The following HERC2 variants were observed in gnomAD, a reference collection of about 807,000 sequenced individuals.
HERC2 encodes the protein HECT and RLD domain containing E3 ubiquitin protein ligase 2, also known as E3 ubiquitin-protein ligase HERC2.
A neutral mutation model predicts 537.7 loss-of-function variants in HERC2; 102 were observed. That is an observed-to-expected ratio of 0.19 (90% CI 0.16 to 0.22). The LOEUF (loss-of-function observed/expected upper bound fraction) is 0.22. HERC2 is among the 10% of genes least tolerant of loss of function. The pLI is 1.00. For missense variants in HERC2, 4,236 were observed against 6,198.2 expected (o/e 0.68, Z 10.63); for synonymous variants, 2,224 against 2,466.2 (o/e 0.90, Z 2.91).
chr15:28,265,030 G>A lies in HERC2; in HGVS notation c.1870+588C>T, dbSNP rs1204880696. ...TCAACTTCTGCAGGAGAGAAAGCAA[G>A]CTGACAGGTACCCCTGCTGATTATA... On this transcript the variant is annotated intron_variant, in intron 14 of 92. Transcript: ENST00000261609. This position sits in a 1 kb window ranked among gnomAD's most constrained non-coding sequence, Gnocchi z 4.0. Among the ~76,000 whole-genome samples, 1 of 152,172 alleles carries A rather than the reference G, an allele frequency of 6.6e-6. No individual in the cohort carries two copies. Among genetic ancestry groups the A allele is most frequent in the Admixed American group, 6.5e-5 (1 of 15,278 alleles).
chr15:28,256,342 C>T, intron 17 of HERC2, 25 bp from the exon 18 acceptor site: 1 of 1,469,148 alleles, frequency 6.8e-7, no homozygotes, highest in Non-Finnish European at 9.2e-7. Context: ...ACAATTTTCA[C>T]TTAGAACCCC....
At chr15:28,149,729 T>C (rs1258560843) in intron 70 of HERC2, among the ~76,000 whole-genome samples, 1 of 151,068 alleles carries the variant, frequency 6.6e-6, no homozygotes, top group Non-Finnish European at 1.5e-5. Flanking sequence ...TCTAGTAAAA[T>C]TACCGAAAAA....
At position 28,256,333 on chromosome 15, in the gene HERC2, C is replaced by T. The variant is rs554457672; in HGVS notation, c.2518-16G>A. 5.8e-6 allele frequency: 9 copies of T among 1,549,982 alleles called. No individual in the cohort carries two copies. The African/African-American group carries it at 8.1e-5, about 14-fold the overall frequency. ...CAGCATGCAACTGAAAGGAGAAAAA[C>T]AATTTTCACTTAGAACCCCTAAAAA... On this transcript the variant is annotated splice_polypyrimidine_tract_variant and intron_variant, in intron 17 of 92. Transcript: ENST00000261609.
intron 50 of HERC2, among the ~76,000 whole-genome samples, chr15:28,197,041 T>G (rs1275313281): frequency 6.6e-6 from 1 of 152,244 alleles, no homozygotes; most frequent in Non-Finnish European, 1.5e-5. Flanking sequence ...TTTTTAAAAT[T>G]TGTCTTGTTT....
chr15:28,231,121 C>T (rs1901796555), intron 30 of HERC2, among the ~76,000 whole-genome samples: 1 of 152,110 alleles, frequency 6.6e-6, no homozygotes, highest in Non-Finnish European at 1.5e-5. Flanking sequence ...GTGGAATTTC[C>T]TCCCTATACT....
chr15:28,124,885 C>T, intron 84 of HERC2, 121 bp downstream of exon 84: 1 of 1,058,520 alleles, frequency 9.4e-7, no homozygotes, highest in Non-Finnish European at 1.4e-6. Context: ...GTGTGGTTAA[C>T]ATTTACTGAG....
intron 14 of HERC2, among the ~76,000 whole-genome samples, chr15:28,264,473 C>CTAT (rs1054428271): frequency 2.6e-5 from 4 of 152,190 alleles, no homozygotes; most frequent in African/African-American, 9.7e-5. Flanking sequence ...GCCCACCTGG[C>CTAT]TATTTCCCAC....
intron 35 of HERC2, among the ~76,000 whole-genome samples, chr15:28,226,810 A>G (rs1190247053): frequency 1.3e-5 from 2 of 152,254 alleles, no homozygotes; most frequent in Non-Finnish European, 2.9e-5. Flanking sequence ...AGAACAGGAG[A>G]AAATACCCTC....
At chr15:28,249,690 A>G (rs746255078) in intron 20 of HERC2, among the ~76,000 whole-genome samples, 4 of 152,166 alleles carry the variant, frequency 2.6e-5, no homozygotes, top group Non-Finnish European at 4.4e-5. Flanking sequence ...CTTTGTTGCC[A>G]GGCTGGAGTG....
rs758658451 is a variant in HERC2 at position 28,255,964 on chromosome 15, G to A, written c.2779C>T (p.Arg927Cys). 13 of 1,606,082 alleles carry A rather than the reference G, an allele frequency of 8.1e-6. No individual in the cohort carries two copies. Among genetic ancestry groups the A allele is most frequent in the Admixed American group, 3.3e-5 (2 of 59,986 alleles). ...SGNEVNISPG[R>C]RFMIDLLVGS... ...ACCAGAAGATCAATCATGAATCGAC[G>A]ACCTGGACTTATGTTCACTTCATTG... The change falls in exon 19 of 93, where the codon CGT becomes TGT. Residue 927 changes from arginine (R) to cysteine (C), a missense_variant. Coordinates refer to ENST00000261609, the MANE Select transcript of HERC2 (RefSeq NM_004667.6).
chr15:28,115,280 T>C (rs1440769369), intron 89 of HERC2, 149 bp downstream of exon 89: 1 of 492,656 alleles, frequency 2.0e-6, no homozygotes, highest in African/African-American at 2.0e-5. Context: ...TTTTTTTTTT[T>C]GCTACTCAAA....
chr15:28,289,537 C>T (rs1021544124), intron 4 of HERC2, among the ~76,000 whole-genome samples: 4 of 152,136 alleles, frequency 2.6e-5, no homozygotes, highest in East Asian at 1.9e-4. Flanking sequence ...CTCCCCAGCA[C>T]GATGGAGATA....
In HERC2 at chr15:28,283,032, CAAAAAAAAAA is replaced by C. The variant is rs35092122; in HGVS notation, c.323-2755_323-2746del. On this transcript the variant is annotated intron_variant, in intron 4 of 92. Coordinates refer to ENST00000261609, the MANE Select transcript of HERC2 (RefSeq NM_004667.6). ...GGGAAGAGAGAAAGAAATGTCCCAGCAAAAAAAAAAAAAAAAAAAAAAAAAAACCAGTCTT... is the reference window on the plus strand; with the variant it reads ...GGGAAGAGAGAAAGAAATGTCCCAGCAAAAAAAAAAAAAAAAACCAGTCTT... Among the ~76,000 whole-genome samples the C allele has an allele frequency of 4.4e-4, 21 of 47,432 alleles. 1 individual carries two copies. The highest frequency in any genetic ancestry group is 1.1e-3 in the Admixed American group (3 of 2,812). 31.1% of individuals were successfully genotyped at this position (47,432 alleles called of 152,430 possible).
chr15:28,132,696 C>T lies in HERC2; in HGVS notation c.12365G>A (p.Arg4122Gln), dbSNP rs750439830. The T allele has an allele frequency of 1.9e-6, 3 of 1,588,056 alleles. No individual in the cohort carries two copies. The highest frequency in any genetic ancestry group is 2.6e-6 in the Non-Finnish European group (3 of 1,167,328). ...GTCCTCACTGTCGCTGTGCCCCAGC[C>T]GGCCGTAGCGGCCTTTGCCCCATGT... ...LYTWGKGRYGRLGHSDSEDQL... is the reference protein window; with the variant it reads ...LYTWGKGRYGQLGHSDSEDQL... Residue 4122 changes from arginine to glutamine, a missense_variant, in exon 80 of 93, where the codon CGG (arginine) becomes CAG (glutamine). Arg to Gln is a conservative substitution (Grantham distance 43). Around this residue, in one of 27 missense-constraint regions of HERC2, gnomAD observed 94 missense variants for 137.4 expected, o/e 0.68. Transcript: ENST00000261609.
chr15:28,296,546 C>G (rs1214023160), intron 3 of HERC2, among the ~76,000 whole-genome samples: 1 of 151,988 alleles, frequency 6.6e-6, no homozygotes, highest in Non-Finnish European at 1.5e-5. Flanking sequence ...TTGCCATGTA[C>G]TTAGCTTTTC....
At chr15:28,123,864 T>C (rs1889189112) in intron 85 of HERC2, among the ~76,000 whole-genome samples, 173 bp downstream of exon 85, 1 of 152,236 alleles carries the variant, frequency 6.6e-6, no homozygotes, top group African/African-American at 2.4e-5. Context: ...TTTTGTCTGT[T>C]TTCTCATTGA....
intron 59 of HERC2, among the ~76,000 whole-genome samples, chr15:28,178,204 C>T (rs1895480040): frequency 6.6e-6 from 1 of 152,158 alleles, no homozygotes. Flanking sequence ...ATGAGTGGGG[C>T]TTCCGAGGGG....
chr15:28,282,428 AAC>A (rs1453286106), intron 4 of HERC2, among the ~76,000 whole-genome samples: 3 of 152,192 alleles, frequency 2.0e-5, no homozygotes, highest in African/African-American at 7.2e-5. Flanking sequence ...AGCAATTACA[AAC>A]ACATGTGAAA....
In HERC2 at chr15:28,265,791, C is replaced by T; in HGVS notation, c.1756+26G>A. The T allele has an allele frequency of 2.5e-6, 4 of 1,613,908 alleles. No homozygotes were observed. The highest frequency in any genetic ancestry group is 3.4e-6 in the Non-Finnish European group (4 of 1,179,782). ...GTAAGAGGCCACCTCCTGCTGCATG[C>T]TCCCACTCATGCAGAGCAGACGTAC... On this transcript the variant is annotated intron_variant, in intron 13 of 92. Coordinates refer to ENST00000261609, the MANE Select transcript of HERC2 (RefSeq NM_004667.6). This position sits in a 1 kb window ranked among gnomAD's most constrained non-coding sequence, Gnocchi z 4.0.
Sources: gnomAD v4.1 joint callset for allele counts (sites outside exome capture counted in the v4.1 genomes callset) on GRCh38, gnomAD v4.1.1 for gene constraint, gnomAD v4.1.1 regional missense constraint, Gnocchi (gnomAD v3.1) non-coding constraint, MANE v1.5 for transcripts, NCBI Gene and HGNC (gene_info 2026-07-23, HGNC 2026-07-21) for gene names.